The following DGKG variants were observed in gnomAD, a reference collection of about 807,000 sequenced individuals.
The protein encoded by DGKG is diacylglycerol kinase gamma, also known as DAG kinase gamma.
A neutral mutation model predicts 105.3 loss-of-function variants in DGKG; 78 were observed. The ratio of observed to expected loss-of-function variants is 0.74; its 90% CI spans 0.62 to 0.89. DGKG has a LOEUF of 0.89. Ranked by LOEUF, DGKG falls within the 40% of genes least tolerant of loss-of-function variation. The pLI, the probability that DGKG is intolerant of heterozygous loss-of-function variation, is 0.00. For synonymous variants in DGKG, 346 were observed against 367.1 expected, an observed-to-expected ratio of 0.94 and a Z score of 0.66; for missense variants, 958 against 1,020.1, an observed-to-expected ratio of 0.94 and a Z score of 0.83.
intron 1 of DGKG, among the ~76,000 whole-genome samples, chr3:186,321,046 G>T (rs907228442): frequency 6.6e-6 from 1 of 152,256 alleles, no homozygotes; most frequent in African/African-American, 2.4e-5. Context: ...TACAGGAACA[G>T]GAGCCTATGC....
chr3:186,234,558 A>T (rs1720321587), intron 20 of DGKG, among the ~76,000 whole-genome samples: 1 of 152,238 alleles, frequency 6.6e-6, no homozygotes, highest in Non-Finnish European at 1.5e-5. Flanking sequence ...CGTGCTTTCA[A>T]GTTCCTTCTG....
chr3:186,267,759 ATT>A lies in DGKG; in HGVS notation c.1133_1134del (p.Glu378ValfsTer6). ...WCRMTFHRKCELSTLCDGGEL... is the reference protein window; with the variant it reads ...WCRMTFHRKCXLSTLCDGGEL... ...TCCCCACCGTCACACAACGTTGATA[ATT>A]CACATTTGCGGTGAAACTGGGGGGA... On this transcript the variant is annotated frameshift_variant, in exon 13 of 25. Coordinates refer to ENST00000265022, the MANE Select transcript of DGKG (RefSeq NM_001346.3). LOFTEE classifies it high-confidence loss of function. 1 of 1,613,980 alleles carries A rather than the reference ATT, an allele frequency of 6.2e-7. No homozygotes were observed. The highest frequency in any genetic ancestry group is 1.1e-5 in the South Asian group (1 of 91,078).
chr3:186,347,491 C>T (rs991099655), intron 1 of DGKG, among the ~76,000 whole-genome samples: 6 of 150,380 alleles, frequency 4.0e-5, no homozygotes, highest in African/African-American at 1.2e-4. Flanking sequence ...AAACCATTCA[C>T]ACTTAATGTG....
chr3:186,167,760 T>TTCAC (rs56211107), intron 22 of DGKG, among the ~76,000 whole-genome samples: 20,909 of 150,628 alleles, frequency 0.14, 1,660 homozygotes, highest in African/African-American at 0.23. Flanking sequence ...AAAACAGGAA[T>TTCAC]TCACTCACTC....
At chr3:186,214,279 T>G (rs183045326) in intron 20 of DGKG, among the ~76,000 whole-genome samples, 111 of 152,340 alleles carry the variant, frequency 7.3e-4, no homozygotes, top group African/African-American at 2.6e-3. Context: ...AGCCTCAGTT[T>G]CCTCATCTCT....
intron 10 of DGKG, among the ~76,000 whole-genome samples, chr3:186,275,006 A>G (rs1481048994): frequency 2.6e-5 from 4 of 152,166 alleles, no homozygotes; most frequent in African/African-American, 9.7e-5. Context: ...TCCCACCAAC[A>G]GTGTAAAAGT....
Position 186,284,757 on chromosome 3 carries a change from G to A in DGKG, c.545-48C>T, listed in dbSNP as rs370627073. The A allele has an allele frequency of 2.7e-5, 41 of 1,531,710 alleles. No individual in the cohort carries two copies. Among genetic ancestry groups the A allele is most frequent in the African/African-American group, 8.2e-5 (6 of 73,036 alleles). 94.9% of individuals were successfully genotyped at this position (1,531,710 alleles called of 1,614,324 possible). A position where few individuals can be genotyped will look rare whatever the true frequency, so the allele number is the denominator to read the frequency against. ...CCTTGAGGTGTCCTCTAAGAAGCGC[G>A]GATGGCTGAAGTTTTGATGCTGCCA... On this transcript the variant is annotated intron_variant, in intron 6 of 24. Coordinates refer to ENST00000265022, the MANE Select transcript of DGKG (RefSeq NM_001346.3). This position sits in a 1 kb window ranked among gnomAD's most constrained non-coding sequence, Gnocchi z 4.0.
intron 7 of DGKG, among the ~76,000 whole-genome samples, chr3:186,281,779 GA>G (rs1466468332): frequency 6.6e-6 from 1 of 152,186 alleles, no homozygotes; most frequent in African/African-American, 2.4e-5. Context: ...GATTTAAAGA[GA>G]AAACGTATTT....
intron 17 of DGKG, among the ~76,000 whole-genome samples, chr3:186,253,958 T>C (rs1721341203): frequency 6.6e-6 from 1 of 152,234 alleles, no homozygotes; most frequent in South Asian, 2.1e-4. Flanking sequence ...ACAACCAGTT[T>C]GTCACTTCCA....
At chr3:186,338,085 C>T (rs892796994) in intron 1 of DGKG, among the ~76,000 whole-genome samples, 1 of 150,496 alleles carries the variant, frequency 6.6e-6, no homozygotes, top group Non-Finnish European at 1.5e-5. Flanking sequence ...TGGGAGGATC[C>T]CTTGAGCCCA....
At chr3:186,178,911 A>C (rs1266555334) in intron 22 of DGKG, among the ~76,000 whole-genome samples, 2 of 152,220 alleles carry the variant, frequency 1.3e-5, no homozygotes, top group South Asian at 2.1e-4. Flanking sequence ...TTGATAGGTC[A>C]ATTAACCTCC....
intron 19 of DGKG, 126 bp downstream of exon 19, chr3:186,251,633 C>T (rs1459854660): frequency 9.2e-7 from 1 of 1,082,816 alleles, no homozygotes. Flanking sequence ...ATGCTTGGAC[C>T]CAACTCAGGG....
At chr3:186,173,611 G>A (rs1716932986) in intron 22 of DGKG, among the ~76,000 whole-genome samples, 1 of 152,216 alleles carries the variant, frequency 6.6e-6, no homozygotes, top group South Asian at 2.1e-4. Context: ...GGTGGCTTGG[G>A]CACTCAAAGC....
chr3:186,173,547 TC>T (rs539692442), intron 22 of DGKG, among the ~76,000 whole-genome samples: 2 of 152,366 alleles, frequency 1.3e-5, no homozygotes, highest in East Asian at 3.9e-4. Context: ...GGCAGGCATG[TC>T]CTCGGGCTCC....
intron 3 of DGKG, among the ~76,000 whole-genome samples, chr3:186,306,217 TGTACAGTTTCGCTGTA>T (rs1724230938): frequency 6.6e-6 from 1 of 152,200 alleles, no homozygotes. Flanking sequence ...AGAAGTATTT[TGTACAGTTTCGCTGTA>T]AAACACAGGA....
intron 1 of DGKG, among the ~76,000 whole-genome samples, chr3:186,340,953 C>G (rs969197585): frequency 6.6e-6 from 1 of 152,176 alleles, no homozygotes; most frequent in African/African-American, 2.4e-5. Context: ...GGTCTCATAA[C>G]TATCTTCTCA....
chr3:186,331,565 C>G (rs1016064158), intron 1 of DGKG, among the ~76,000 whole-genome samples: 1 of 152,154 alleles, frequency 6.6e-6, no homozygotes, highest in African/African-American at 2.4e-5. Context: ...ATGTGAGAAT[C>G]TCTGCCGCAA....
intron 1 of DGKG, among the ~76,000 whole-genome samples, chr3:186,333,593 T>C (rs1019457170): frequency 6.6e-6 from 1 of 152,182 alleles, no homozygotes; most frequent in Non-Finnish European, 1.5e-5. Flanking sequence ...TAACATTTTG[T>C]GCAAAATATT....
intron 1 of DGKG, among the ~76,000 whole-genome samples, chr3:186,351,845 G>A (rs1726645448): frequency 6.6e-6 from 1 of 152,244 alleles, no homozygotes; most frequent in Non-Finnish European, 1.5e-5. Context: ...TAGTTTTAGA[G>A]AAACTGTAAT....
Sources: gnomAD v4.1 joint callset for allele counts (sites outside exome capture counted in the v4.1 genomes callset) on GRCh38, gnomAD v4.1.1 for gene constraint, Gnocchi (gnomAD v3.1) non-coding constraint, MANE v1.5 for transcripts, NCBI Gene and HGNC (gene_info 2026-07-23, HGNC 2026-07-21) for gene names.